Variants in ODAD2 observed in about 807,000 individuals in gnomAD.
ODAD2 encodes outer dynein arm docking complex subunit 2, also known as outer dynein arm-docking complex subunit 2.
A neutral mutation model predicts 106.8 loss-of-function variants in ODAD2; 89 were observed. The ratio of observed to expected loss-of-function variants is 0.83; its 90% confidence interval spans 0.70 to 0.99. The LOEUF (loss-of-function observed/expected upper bound fraction) is 0.99. ODAD2 is among the 50% of genes least tolerant of loss of function. The probability of loss-of-function intolerance (pLI) is 0.00; values close to 1 mark genes in which losing one functional copy is unlikely to be tolerated. For missense variants in ODAD2, 1,168 were observed against 1,238.5 expected, an observed-to-expected ratio of 0.94 and a Z score of 0.85; for synonymous variants, 404 against 436.2, an observed-to-expected ratio of 0.93 and a Z score of 0.92.
At chr10:27,844,383 GC>G (rs944130539) in intron 19 of ODAD2, among the ~76,000 whole-genome samples, 2 of 152,180 alleles carry the variant, frequency 1.3e-5, no homozygotes, top group African/African-American at 4.8e-5. Flanking sequence ...CAAACTCTCT[GC>G]CAAGTCCCCT....
chr10:27,991,569 C>A (rs1417689837), intron 2 of ODAD2, among the ~76,000 whole-genome samples: 1 of 152,108 alleles, frequency 6.6e-6, no homozygotes, highest in African/African-American at 2.4e-5. Flanking sequence ...AGAACTAAAG[C>A]CACAAATATA....
intron 19 of ODAD2, among the ~76,000 whole-genome samples, chr10:27,813,883 A>G (rs988683469): frequency 6.6e-6 from 1 of 152,224 alleles, no homozygotes. Flanking sequence ...AAAGGTAAGG[A>G]TAGTGAGGAA....
chr10:27,881,146 A>ATAC (rs1205885130), intron 17 of ODAD2, among the ~76,000 whole-genome samples: 1 of 152,250 alleles, frequency 6.6e-6, no homozygotes, highest in Non-Finnish European at 1.5e-5. Context: ...AGCATACAGC[A>ATAC]AGATGTCTGG....
chr10:27,859,159 A>T (rs1839869334), intron 19 of ODAD2, among the ~76,000 whole-genome samples: 1 of 152,078 alleles, frequency 6.6e-6, no homozygotes, highest in South Asian at 2.1e-4. Context: ...ATGGGAACGC[A>T]GTCATATTGA....
chr10:27,839,855 A>G (rs1838180805), intron 19 of ODAD2, among the ~76,000 whole-genome samples: 1 of 152,222 alleles, frequency 6.6e-6, no homozygotes, highest in Non-Finnish European at 1.5e-5. Flanking sequence ...TCAGGTTGAC[A>G]GTATAATAGT....
Position 27,970,098 on chromosome 10 carries a change from CAAAA to C in ODAD2, c.1142+1006_1142+1009del, listed in dbSNP as rs1272310274. On this transcript the variant is annotated intron_variant, in intron 8 of 19. Coordinates refer to ENST00000305242, the MANE Select transcript of ODAD2 (RefSeq NM_018076.5). ...CCTGGGTGACAGCGAGATTCTGTCTCAAAAAATAAATAAATAAATAAATAAATAA... is the reference window on the plus strand; with the variant it reads ...CCTGGGTGACAGCGAGATTCTGTCTCAATAAATAAATAAATAAATAAATAA... 3.4e-3 allele frequency among the ~76,000 whole-genome samples: 425 copies of C among 125,444 alleles called. 5 individuals carry two copies. Among genetic ancestry groups the C allele is most frequent in the African/African-American group, 0.012 (414 of 35,528 alleles). The allele number at this position is 125,444 out of a possible 152,430, so 82.3% of individuals were successfully genotyped here. A position where few individuals can be genotyped will look rare whatever the true frequency, so the allele number is the denominator to read the frequency against.
chr10:27,965,968 T>C (rs1414454627), intron 9 of ODAD2, among the ~76,000 whole-genome samples: 1 of 152,218 alleles, frequency 6.6e-6, no homozygotes, highest in African/African-American at 2.4e-5. Context: ...TTTCTCTCCC[T>C]CCTCTGCTCT....
chr10:27,895,186 G>T (rs1184777011), intron 17 of ODAD2, among the ~76,000 whole-genome samples: 2 of 151,970 alleles, frequency 1.3e-5, no homozygotes, highest in Non-Finnish European at 2.9e-5. Context: ...AATTCTTGAG[G>T]TTTACAACTT....
chr10:27,835,377 A>G (rs1837793766), intron 19 of ODAD2, among the ~76,000 whole-genome samples: 1 of 152,214 alleles, frequency 6.6e-6, no homozygotes, highest in African/African-American at 2.4e-5. Flanking sequence ...CCCATCTCAC[A>G]CCTGTAGCCT....
At chr10:27,876,347 C>T (rs962949715) in intron 17 of ODAD2, among the ~76,000 whole-genome samples, 3 of 152,180 alleles carry the variant, frequency 2.0e-5, no homozygotes, top group Non-Finnish European at 4.4e-5. Flanking sequence ...TGAGACAAAG[C>T]CTCCAGATGA....
intron 19 of ODAD2, among the ~76,000 whole-genome samples, chr10:27,853,619 C>T (rs1839448753): frequency 6.6e-6 from 1 of 152,034 alleles, no homozygotes; most frequent in South Asian, 2.1e-4. Context: ...CAGGCATGAG[C>T]CACTCTGCCT....
chr10:27,867,944 G>C (rs1488383345), intron 17 of ODAD2, among the ~76,000 whole-genome samples: 1 of 149,990 alleles, frequency 6.7e-6, no homozygotes, highest in African/African-American at 2.5e-5. Context: ...GCAAAACTCT[G>C]TCTCAAAAAG....
chr10:27,944,212 G>A lies in ODAD2; in HGVS notation c.1743+10C>T, dbSNP rs547080793. 11 of 1,606,698 alleles carry A rather than the reference G, an allele frequency of 6.8e-6. No individual in the cohort carries two copies. In the East Asian group the frequency reaches 1.1e-4, roughly 16 times the overall value. On this transcript the variant is annotated intron_variant, in intron 12 of 19. Coordinates refer to ENST00000305242, the MANE Select transcript of ODAD2 (RefSeq NM_018076.5). ...CACTAGATGACGATGACAACATCAC[G>A]GCTACTCACCAGTTTGGTGATACCC...
chr10:27,992,103 T>C (rs1850270722), intron 2 of ODAD2, among the ~76,000 whole-genome samples: 2 of 152,316 alleles, frequency 1.3e-5, no homozygotes, highest in Non-Finnish European at 2.9e-5. Context: ...TGTTAAAGCA[T>C]CTGGTACTTT....
intron 19 of ODAD2, among the ~76,000 whole-genome samples, chr10:27,825,889 A>G (rs1449285510): frequency 2.6e-5 from 4 of 152,228 alleles, no homozygotes; most frequent in Non-Finnish European, 4.4e-5. Flanking sequence ...CTGTTTTTCT[A>G]ATATATGAAT....
intron 17 of ODAD2, among the ~76,000 whole-genome samples, chr10:27,905,535 C>A (rs1202944779): frequency 1.3e-5 from 2 of 152,074 alleles, no homozygotes; most frequent in African/African-American, 4.8e-5. Flanking sequence ...TCATATGGAA[C>A]CAAAAAAGAG....
chr10:27,881,436 C>A (rs1223811970), intron 17 of ODAD2, among the ~76,000 whole-genome samples: 1 of 151,784 alleles, frequency 6.6e-6, no homozygotes, highest in Non-Finnish European at 1.5e-5. Context: ...TTGAGACCAG[C>A]CTGGGCAACA....
intron 19 of ODAD2, among the ~76,000 whole-genome samples, chr10:27,817,048 C>A (rs139831826): frequency 6.6e-6 from 1 of 152,162 alleles, no homozygotes; most frequent in African/African-American, 2.4e-5. Flanking sequence ...CCGTGCCCGG[C>A]CTGTTATGCA....
At chr10:27,873,805 T>C (rs1841099172) in intron 17 of ODAD2, among the ~76,000 whole-genome samples, 1 of 152,332 alleles carries the variant, frequency 6.6e-6, no homozygotes, top group African/African-American at 2.4e-5. Flanking sequence ...ATAAGTGTGA[T>C]GTGGTGCTGA....
Sources: gnomAD v4.1 joint callset for allele counts (sites outside exome capture counted in the v4.1 genomes callset) on GRCh38, gnomAD v4.1.1 for gene constraint, MANE v1.5 for transcripts, NCBI Gene and HGNC (gene_info 2026-07-23, HGNC 2026-07-21) for gene names.